L3MBTL4: variants seen among roughly 807,000 people sequenced by gnomAD.
L3MBTL4 encodes L3MBTL histone methyl-lysine binding protein 4.
In L3MBTL4, 70 loss-of-function variants were observed where a neutral mutation model predicts 84.5. The ratio of observed to expected loss-of-function variants is 0.83; its 90% CI spans 0.68 to 1.01. The LOEUF is 1.01. L3MBTL4 is among the 50% of genes least tolerant of loss of function. The pLI is 0.00. For missense variants in L3MBTL4, 715 were observed against 754.8 expected (o/e 0.95, Z 0.62); for synonymous variants, 274 against 259.8 (o/e 1.05, Z -0.52).
intron 16 of L3MBTL4, among the ~76,000 whole-genome samples, chr18:6,024,292 T>A (rs370936640): frequency 6.6e-6 from 1 of 152,250 alleles, no homozygotes; most frequent in Admixed American, 6.5e-5. Flanking sequence ...TATCCATGCA[T>A]GTTTTATATG....
At chr18:6,084,899 G>T (rs2058208634) in intron 15 of L3MBTL4, among the ~76,000 whole-genome samples, 2 of 152,214 alleles carry the variant, frequency 1.3e-5, no homozygotes, top group East Asian at 3.8e-4. Context: ...GAGGGCGAGT[G>T]TGGGTGAGGA....
intron 5 of L3MBTL4, among the ~76,000 whole-genome samples, chr18:6,247,233 C>T (rs2047705377): frequency 6.6e-6 from 1 of 151,980 alleles, no homozygotes; most frequent in Middle Eastern, 3.2e-3. Context: ...AACATTTATA[C>T]AATACTTTTT....
chr18:6,159,268 G>GT (rs2043222848), intron 13 of L3MBTL4, among the ~76,000 whole-genome samples: 1 of 152,182 alleles, frequency 6.6e-6, no homozygotes, highest in Admixed American at 6.5e-5. Flanking sequence ...TCTGTTCAGA[G>GT]ACGGGATAAC....
chr18:6,192,151 G>A (rs1466674962), intron 12 of L3MBTL4, among the ~76,000 whole-genome samples: 1 of 152,208 alleles, frequency 6.6e-6, no homozygotes, highest in Non-Finnish European at 1.5e-5. Flanking sequence ...GAAGCCACGT[G>A]AAGAAACTGT....
Position 6,030,189 on chromosome 18 carries a change from A to T in L3MBTL4, c.1444+50692T>A, listed in dbSNP as rs191148324. 1.3e-4 allele frequency: 109 copies of T among 827,604 alleles called. No homozygotes were observed. The African/African-American group carries it at 1.7e-3, about 13-fold the overall frequency. The allele number at this position is 827,604 out of a possible 1,614,324, so 51.3% of individuals were successfully genotyped here. A position where few individuals can be genotyped will look rare whatever the true frequency, so the allele number is the denominator to read the frequency against. On this transcript the variant is annotated intron_variant, in intron 16 of 18. Coordinates refer to ENST00000317931, the MANE Select transcript of L3MBTL4 (RefSeq NM_001330559.2). The stretch of plus-strand genomic sequence containing the variant: ...GAACATATTTTTAGAAAGACACACA[A>T]GAGAAGTATACAGTGATTATTCCAA...
At chr18:6,316,570 C>T (rs1053423664) in intron 1 of L3MBTL4, among the ~76,000 whole-genome samples, 1 of 152,210 alleles carries the variant, frequency 6.6e-6, no homozygotes, top group African/African-American at 2.4e-5. Flanking sequence ...TATCTATAGA[C>T]AGCCTTTCTG....
At chr18:6,110,858 C>T (rs971482685) in intron 14 of L3MBTL4, among the ~76,000 whole-genome samples, 36 of 152,118 alleles carry the variant, frequency 2.4e-4, no homozygotes, top group African/African-American at 8.2e-4. Context: ...GCTGGATAGA[C>T]GCATTCTCAT....
Position 6,285,372 on chromosome 18 carries a change from TA to T in L3MBTL4, c.127+16530del, listed in dbSNP as rs1325753712. ...ATATACAAAGAGGGAGAACTGTTACTAGAATGAATCCTGTGGGATGGGACTG... is the reference window on the plus strand; with the variant it reads ...ATATACAAAGAGGGAGAACTGTTACTGAATGAATCCTGTGGGATGGGACTG... On this transcript the variant is annotated intron_variant, in intron 4 of 18. Coordinates refer to ENST00000317931, the MANE Select transcript of L3MBTL4 (RefSeq NM_001330559.2). Among the ~76,000 whole-genome samples, 9 of 152,190 alleles carry T rather than the reference TA, an allele frequency of 5.9e-5. No homozygotes were observed. The South Asian group carries it at 1.4e-3, about 25-fold the overall frequency.
At chr18:6,383,358 C>T (rs978931218) in intron 1 of L3MBTL4, among the ~76,000 whole-genome samples, 1 of 150,936 alleles carries the variant, frequency 6.6e-6, no homozygotes, top group African/African-American at 2.4e-5. Context: ...CACTGGGATA[C>T]AAAAAAAAAC....
At chr18:6,298,679 C>T (rs543116910) in intron 4 of L3MBTL4, among the ~76,000 whole-genome samples, 2 of 152,262 alleles carry the variant, frequency 1.3e-5, no homozygotes, top group African/African-American at 4.8e-5. Context: ...TTGAGACCAG[C>T]CTGGCCGATA....
chr18:6,133,347 ACAC>A (rs2059932146), intron 14 of L3MBTL4, among the ~76,000 whole-genome samples: 1 of 151,842 alleles, frequency 6.6e-6, no homozygotes, highest in African/African-American at 2.4e-5. Context: ...ACACACACAC[ACAC>A]ACACACACTC....
chr18:6,129,873 T>C (rs1330999003), intron 14 of L3MBTL4, among the ~76,000 whole-genome samples: 4 of 152,210 alleles, frequency 2.6e-5, no homozygotes, highest in African/African-American at 7.2e-5. Context: ...ATGTATATCT[T>C]TAGTCACTCT....
intron 14 of L3MBTL4, among the ~76,000 whole-genome samples, chr18:6,121,639 TTTTC>T (rs1414378422): frequency 1.3e-5 from 2 of 152,066 alleles, no homozygotes; most frequent in East Asian, 3.9e-4. Flanking sequence ...AGTAGATTCT[TTTTC>T]TTTATTTTTT....
At chr18:6,341,311 G>C (rs2052599679) in intron 1 of L3MBTL4, among the ~76,000 whole-genome samples, 1 of 151,882 alleles carries the variant, frequency 6.6e-6, no homozygotes, top group African/African-American at 2.4e-5. Flanking sequence ...GCCCAACAAA[G>C]AATTCAAAGT....
chr18:6,041,873 T>G lies in L3MBTL4; in HGVS notation c.1444+39008A>C, dbSNP rs147236673. 5.0e-3 allele frequency among the ~76,000 whole-genome samples: 765 copies of G among 152,006 alleles called. 8 individuals are homozygous for G. Among genetic ancestry groups the G allele is most frequent in the African/African-American group, 0.017 (703 of 41,404 alleles). On this transcript the variant is annotated intron_variant, in intron 16 of 18. Transcript: ENST00000317931. ...CTGAGTAGCTGGGACTATAGGTGTG[T>G]GCCACCATGCCTGGCTAATTTTTTT...
intron 13 of L3MBTL4, among the ~76,000 whole-genome samples, chr18:6,161,309 G>T (rs2145004232): frequency 6.6e-6 from 1 of 152,296 alleles, no homozygotes; most frequent in East Asian, 1.9e-4. Context: ...CTAAGAGGAA[G>T]CTGTCATCAC....
chr18:6,302,810 C>G (rs1266431694), intron 3 of L3MBTL4, among the ~76,000 whole-genome samples: 1 of 152,046 alleles, frequency 6.6e-6, no homozygotes, highest in Non-Finnish European at 1.5e-5. Context: ...TGGTGAAAAT[C>G]CGTCTCTACT....
intron 15 of L3MBTL4, among the ~76,000 whole-genome samples, chr18:6,084,153 T>G (rs1034532097): frequency 6.6e-6 from 1 of 152,236 alleles, no homozygotes; most frequent in Non-Finnish European, 1.5e-5. Context: ...TAATTCAGGT[T>G]AGTCTAACTG....
chr18:6,288,497 G>A (rs920379812), intron 4 of L3MBTL4, among the ~76,000 whole-genome samples: 2 of 152,162 alleles, frequency 1.3e-5, no homozygotes, highest in African/African-American at 4.8e-5. Context: ...TGGTCAGACA[G>A]TAAACATCTG....
Sources: allele counts gnomAD v4.1 joint callset (sites outside exome capture counted in the v4.1 genomes callset), GRCh38; gene constraint gnomAD v4.1.1; transcripts MANE v1.5; gene names NCBI Gene and HGNC (gene_info 2026-07-23, HGNC 2026-07-21).